Variants in ERBB4 observed in about 807,000 individuals in gnomAD.
The protein encoded by ERBB4 is receptor tyrosine-protein kinase erbB-4.
In ERBB4, 42 loss-of-function variants were observed where a neutral mutation model predicts 158.0. That is an observed-to-expected ratio of 0.27 (90% CI 0.21 to 0.34). The LOEUF (loss-of-function observed/expected upper bound fraction) is 0.34, where lower values mean the gene tolerates loss of function less well. ERBB4 is among the 10% of genes least tolerant of loss of function. The pLI is 1.00. For missense variants in ERBB4, 1,333 were observed against 1,624.1 expected, an observed-to-expected ratio of 0.82 and a Z score of 3.08; for synonymous variants, 583 against 558.7, an observed-to-expected ratio of 1.04 and a Z score of -0.61.
At chr2:211,716,881 T>C (rs989022931) in intron 7 of ERBB4, among the ~76,000 whole-genome samples, 9 of 150,804 alleles carry the variant, frequency 6.0e-5, no homozygotes, top group South Asian at 2.1e-4. Flanking sequence ...CAAACTAATC[T>C]AAGAAAGGAA....
intron 20 of ERBB4, among the ~76,000 whole-genome samples, chr2:211,474,937 G>A (rs1212078879): frequency 6.6e-6 from 1 of 152,140 alleles, no homozygotes; most frequent in East Asian, 1.9e-4. Flanking sequence ...TCAAAGAAAG[G>A]AAAGTGATGG....
At chr2:211,963,604 T>C (rs1263112244) in intron 2 of ERBB4, among the ~76,000 whole-genome samples, 2 of 152,072 alleles carry the variant, frequency 1.3e-5, no homozygotes, top group African/African-American at 2.4e-5. Flanking sequence ...TAAGGGTAAA[T>C]AGGCCTCTCT....
chr2:212,104,267 G>A (rs535860849), intron 2 of ERBB4, among the ~76,000 whole-genome samples: 2 of 151,960 alleles, frequency 1.3e-5, no homozygotes, highest in South Asian at 4.2e-4. Context: ...TATTCATCTT[G>A]GGATCCCTAG....
At chr2:212,116,733 C>T (rs1010317381) in intron 2 of ERBB4, among the ~76,000 whole-genome samples, 1 of 151,682 alleles carries the variant, frequency 6.6e-6, no homozygotes, top group Non-Finnish European at 1.5e-5. Flanking sequence ...ACAGCATCAG[C>T]CTATTGAAAA....
intron 1 of ERBB4, among the ~76,000 whole-genome samples, chr2:212,307,286 A>T (rs1057358521): frequency 1.1e-4 from 16 of 151,292 alleles, no homozygotes; most frequent in African/African-American, 3.4e-4. Context: ...GCAAAGAGTT[A>T]ATCTGACAGC....
Position 211,489,382 on chromosome 2 carries a change from C to T in ERBB4, c.2488-58282G>A, listed in dbSNP as rs139305523. Among the ~76,000 whole-genome samples the T allele has an allele frequency of 3.3e-3, 503 of 152,042 alleles. 2 individuals are homozygous for T. Among genetic ancestry groups the T allele is most frequent in the African/African-American group, 0.011 (466 of 41,542 alleles). On this transcript the variant is annotated intron_variant, in intron 20 of 27. Coordinates refer to ENST00000342788, the MANE Select transcript of ERBB4 (RefSeq NM_005235.3). ...TACTTAATAGGCATATGACTTTAGGCGGCTTCCTCAATTGCAAATTTGGGA... is the reference window on the plus strand; with the variant it reads ...TACTTAATAGGCATATGACTTTAGGTGGCTTCCTCAATTGCAAATTTGGGA...
intron 3 of ERBB4, among the ~76,000 whole-genome samples, chr2:211,920,658 A>G (rs1239975498): frequency 2.0e-5 from 3 of 151,916 alleles, no homozygotes; most frequent in Non-Finnish European, 4.4e-5. Flanking sequence ...TTGAAAAACA[A>G]AAAGCCAGTA....
At chr2:212,456,555 T>C (rs1342062811) in intron 1 of ERBB4, among the ~76,000 whole-genome samples, 3 of 144,708 alleles carry the variant, frequency 2.1e-5, no homozygotes, top group Non-Finnish European at 3.1e-5. Flanking sequence ...TCATTAGTTA[T>C]CTTCCTCTCT....
intron 3 of ERBB4, among the ~76,000 whole-genome samples, chr2:211,937,166 C>G (rs1394399691): frequency 6.6e-6 from 1 of 152,042 alleles, no homozygotes; most frequent in Non-Finnish European, 1.5e-5. Context: ...TACTTTTTCT[C>G]TTTTTAGAAA....
chr2:212,191,736 CATGTTACATATAACACGTGT>C (rs2082231894), intron 1 of ERBB4, among the ~76,000 whole-genome samples: 1 of 145,314 alleles, frequency 6.9e-6, no homozygotes, highest in Non-Finnish European at 1.5e-5. Flanking sequence ...ACGTGTTATA[CATGTTACATATAACACGTGT>C]TATACATGTT....
chr2:212,295,804 T>A (rs6740099), intron 1 of ERBB4, among the ~76,000 whole-genome samples: 84,850 of 151,884 alleles, frequency 0.56, 27,643 homozygotes, highest in East Asian at 0.83. Flanking sequence ...ATTTGGACAA[T>A]CTTTGATTCT....
chr2:212,362,555 T>A (rs574543469), intron 1 of ERBB4, among the ~76,000 whole-genome samples: 1 of 150,870 alleles, frequency 6.6e-6, no homozygotes, highest in South Asian at 2.1e-4. Context: ...TCATGCCAAA[T>A]GTGCTTAGAT....
intron 1 of ERBB4, among the ~76,000 whole-genome samples, chr2:212,199,775 A>AT (rs764516352): frequency 9.2e-5 from 14 of 152,002 alleles, no homozygotes; most frequent in South Asian, 8.3e-4. Context: ...TCCAGCTCAT[A>AT]TTTAAAAAAA....
At chr2:211,541,896 C>T (rs2066819203) in intron 20 of ERBB4, among the ~76,000 whole-genome samples, 1 of 151,938 alleles carries the variant, frequency 6.6e-6, no homozygotes. Context: ...CACATCTCTA[C>T]CAGGTAAATA....
chr2:212,378,128 A>G (rs2090385859), intron 1 of ERBB4, among the ~76,000 whole-genome samples: 1 of 151,822 alleles, frequency 6.6e-6, no homozygotes, highest in Non-Finnish European at 1.5e-5. Context: ...TAATGGTTAC[A>G]ATGACACTAG....
chr2:212,383,405 C>T (rs182040944), intron 1 of ERBB4, among the ~76,000 whole-genome samples: 46 of 151,372 alleles, frequency 3.0e-4, no homozygotes, highest in East Asian at 1.6e-3. Context: ...TCCACTTATC[C>T]GAAAGAAAGA....
intron 25 of ERBB4, among the ~76,000 whole-genome samples, chr2:211,416,754 T>C (rs954220841): frequency 2.0e-5 from 3 of 151,886 alleles, no homozygotes; most frequent in Non-Finnish European, 4.4e-5. Flanking sequence ...CTTCTAGTTA[T>C]CCTGCCTATA....
intron 1 of ERBB4, among the ~76,000 whole-genome samples, chr2:212,365,965 A>C (rs1560123968): frequency 6.6e-6 from 1 of 151,900 alleles, no homozygotes; most frequent in Admixed American, 6.6e-5. Flanking sequence ...TAGTAGAAAA[A>C]TATCAAATAT....
chr2:212,186,405 A>G (rs1057443637), intron 1 of ERBB4, among the ~76,000 whole-genome samples: 79 of 152,204 alleles, frequency 5.2e-4, no homozygotes, highest in African/African-American at 1.7e-3. Flanking sequence ...AAATCAGTCT[A>G]ACTGAAAATG....
Sources: gnomAD v4.1 joint callset for allele counts (sites outside exome capture counted in the v4.1 genomes callset) on GRCh38, gnomAD v4.1.1 for gene constraint, MANE v1.5 for transcripts, NCBI Gene and HGNC (gene_info 2026-07-23, HGNC 2026-07-21) for gene names.